NKAIN3: variants seen among roughly 807,000 people sequenced by gnomAD.
The protein encoded by NKAIN3 is sodium/potassium transporting ATPase interacting 3.
Under a neutral mutation model 30.2 loss-of-function variants are expected in NKAIN3, and 25 were observed. That is an observed-to-expected ratio of 0.83 (90% CI 0.60 to 1.16). NKAIN3 has a LOEUF of 1.16. NKAIN3 is among the 50% of genes most tolerant of loss of function. NKAIN3 has a pLI of 0.00. For missense variants in NKAIN3, 225 were observed against 254.1 expected, an observed-to-expected ratio of 0.89 and a Z score of 0.78; for synonymous variants, 91 against 89.6, an observed-to-expected ratio of 1.02 and a Z score of -0.09.
chr8:62,343,842 A>G (rs115432690), intron 1 of NKAIN3, among the ~76,000 whole-genome samples: 3,125 of 152,170 alleles, frequency 0.021, 108 homozygotes, highest in African/African-American at 0.071. Flanking sequence ...TGTTCTGTTT[A>G]TAGAAACTTT....
At chr8:62,339,143 C>G (rs1401677376) in intron 1 of NKAIN3, among the ~76,000 whole-genome samples, 1 of 151,960 alleles carries the variant, frequency 6.6e-6, no homozygotes, top group Non-Finnish European at 1.5e-5. Context: ...AATGCAGAAG[C>G]TCTGGGGTCA....
chr8:62,630,799 A>G (rs1008960290), intron 3 of NKAIN3, among the ~76,000 whole-genome samples: 5 of 152,104 alleles, frequency 3.3e-5, no homozygotes, highest in African/African-American at 9.7e-5. Flanking sequence ...ATCTGCCTCC[A>G]CCCAAAACCT....
chr8:62,401,085 T>C (rs921728385), intron 1 of NKAIN3, among the ~76,000 whole-genome samples: 2 of 151,496 alleles, frequency 1.3e-5, no homozygotes, highest in African/African-American at 2.4e-5. Flanking sequence ...CTTTTGAAGC[T>C]ATCTTCCAGA....
At chr8:62,537,572 C>T (rs1489178758) in intron 1 of NKAIN3, among the ~76,000 whole-genome samples, 1 of 150,924 alleles carries the variant, frequency 6.6e-6, no homozygotes, top group Non-Finnish European at 1.5e-5. Flanking sequence ...GAAGAGTCTC[C>T]TTTTTTTATT....
At chr8:62,317,411 C>A (rs901028839) in intron 1 of NKAIN3, among the ~76,000 whole-genome samples, 8 of 152,090 alleles carry the variant, frequency 5.3e-5, no homozygotes, top group Non-Finnish European at 7.3e-5. Flanking sequence ...GGATTTAGGT[C>A]TAACATTTAA....
At chr8:62,788,097 C>T (rs1817581228) in intron 4 of NKAIN3, among the ~76,000 whole-genome samples, 1 of 152,084 alleles carries the variant, frequency 6.6e-6, no homozygotes, top group Non-Finnish European at 1.5e-5. Flanking sequence ...GTTCTAGATC[C>T]CTGAGGAATC....
At chr8:62,499,868 T>A (rs1444046029) in intron 1 of NKAIN3, among the ~76,000 whole-genome samples, 1 of 152,164 alleles carries the variant, frequency 6.6e-6, no homozygotes, top group Non-Finnish European at 1.5e-5. Flanking sequence ...TTTCTTTTTT[T>A]TTCTTTTTGT....
intron 5 of NKAIN3, among the ~76,000 whole-genome samples, chr8:62,925,248 A>G (rs777660770): frequency 2.0e-5 from 3 of 152,188 alleles, no homozygotes; most frequent in Non-Finnish European, 4.4e-5. Context: ...TGTATGGAAC[A>G]TCATAGGAAA....
chr8:62,933,495 T>C, intron 5 of NKAIN3, among the ~76,000 whole-genome samples: 1 of 152,214 alleles, frequency 6.6e-6, no homozygotes, highest in East Asian at 1.9e-4. Flanking sequence ...AAAGAATTTG[T>C]CTAAAACTAT....
chr8:62,554,145 G>A (rs1809311815), intron 1 of NKAIN3, among the ~76,000 whole-genome samples: 1 of 152,170 alleles, frequency 6.6e-6, no homozygotes, highest in South Asian at 2.1e-4. Flanking sequence ...TCTTACTTGA[G>A]ATTAGAAACA....
At chr8:62,578,499 G>C (rs1810189335) in intron 1 of NKAIN3, among the ~76,000 whole-genome samples, 1 of 152,040 alleles carries the variant, frequency 6.6e-6, no homozygotes, top group South Asian at 2.1e-4. Flanking sequence ...TTAGATCAGA[G>C]TCTTGAGCCC....
At chr8:62,399,287 C>T (rs1301469052) in intron 1 of NKAIN3, among the ~76,000 whole-genome samples, 3 of 152,066 alleles carry the variant, frequency 2.0e-5, no homozygotes, top group South Asian at 2.1e-4. Flanking sequence ...GGGTAGATCG[C>T]TTGAGATCAG....
At chr8:62,488,615 C>G (rs939371287) in intron 1 of NKAIN3, among the ~76,000 whole-genome samples, 4 of 152,144 alleles carry the variant, frequency 2.6e-5, no homozygotes, top group African/African-American at 9.7e-5. Context: ...TCCTGTTGCC[C>G]TTTTCAGTCC....
chr8:62,581,502 C>G (rs531783563), intron 2 of NKAIN3, among the ~76,000 whole-genome samples: 3 of 152,310 alleles, frequency 2.0e-5, no homozygotes, highest in Non-Finnish European at 4.4e-5. Context: ...ATTCACATAA[C>G]TGCTGCCTTT....
At chr8:62,378,232 C>A (rs996637497) in intron 1 of NKAIN3, among the ~76,000 whole-genome samples, 4 of 152,126 alleles carry the variant, frequency 2.6e-5, no homozygotes, top group Non-Finnish European at 4.4e-5. Context: ...GAGCCTTGAA[C>A]TTGAGAGAGA....
At position 62,450,844 on chromosome 8, in the gene NKAIN3, T is replaced by C. The variant is rs541245826; in HGVS notation, c.55-128695T>C. On this transcript the variant is annotated intron_variant, in intron 1 of 6. Transcript: ENST00000623646. ...TAAAGGATCTTGAAAGAATGTCTTA[T>C]GTTATTGTGGTGTGATATATTTTGA... 4.6e-5 allele frequency among the ~76,000 whole-genome samples: 7 copies of C among 152,334 alleles called. No individual in the cohort carries two copies. The East Asian group carries it at 9.7e-4, about 21-fold the overall frequency.
chr8:62,331,821 G>A (rs183665687), intron 1 of NKAIN3, among the ~76,000 whole-genome samples: 5 of 152,096 alleles, frequency 3.3e-5, no homozygotes, highest in East Asian at 1.9e-4. Flanking sequence ...ATCAAATACC[G>A]CTTTGTATTA....
In NKAIN3 at chr8:62,972,053, G is replaced by C. The variant is rs551424069; in HGVS notation, c.*6646G>C. On this transcript the variant is annotated 3_prime_UTR_variant, in exon 7 of 7. Transcript: ENST00000623646. ...GCCACAATAAATTAATTCTTCTATG[G>C]TCATAACACTTGGCTATTTTATTTT... Among the ~76,000 whole-genome samples, 6 of 152,184 alleles carry C rather than the reference G, an allele frequency of 3.9e-5. No individual in the cohort carries two copies. The East Asian group carries it at 1.2e-3, about 29-fold the overall frequency.
chr8:62,889,335 A>C (rs566987759), intron 4 of NKAIN3, among the ~76,000 whole-genome samples: 6 of 152,166 alleles, frequency 3.9e-5, no homozygotes, highest in African/African-American at 1.4e-4. Context: ...ATGCCATTGC[A>C]CTCCAGCCTG....
Sources: allele counts gnomAD v4.1 joint callset (sites outside exome capture counted in the v4.1 genomes callset), GRCh38; gene constraint gnomAD v4.1.1; transcripts MANE v1.5; gene names NCBI Gene and HGNC (gene_info 2026-07-23, HGNC 2026-07-21).